Variants in USP49 observed in about 807,000 individuals in gnomAD.
The protein encoded by USP49 is ubiquitin specific peptidase 49.
Under a neutral mutation model 58.6 loss-of-function variants are expected in USP49, and 24 were observed. The observed-to-expected ratio is 0.41, with a 90% confidence interval of 0.30 to 0.58. The LOEUF is 0.58. USP49 is among the 20% of genes least tolerant of loss of function. USP49 has a pLI of 0.30. For missense variants in USP49, 703 were observed against 866.1 expected, an observed-to-expected ratio of 0.81 and a Z score of 2.36; for synonymous variants, 408 against 365.1, an observed-to-expected ratio of 1.12 and a Z score of -1.34.
Position 41,845,238 on chromosome 6 carries a change from C to T in USP49, c.-29+26326G>A, listed in dbSNP as rs566236174. Among the ~76,000 whole-genome samples, 3 of 152,000 alleles carry T rather than the reference C, an allele frequency of 2.0e-5. No homozygotes were observed. In the East Asian group the frequency reaches 5.9e-4, roughly 30 times the overall value. On this transcript the variant is annotated intron_variant, in intron 3 of 7. Transcript: ENST00000682992. ...TTTTACATGTTTCTCAAATAAATTC[C>T]TTTAAAAAATGTAAATAGGCCAGGT...
intron 3 of USP49, among the ~76,000 whole-genome samples, chr6:41,811,660 T>C (rs933384727): frequency 2.4e-4 from 36 of 152,202 alleles, no homozygotes; most frequent in African/African-American, 8.4e-4. Context: ...AAAAGTATTC[T>C]GTCAGAATTA....
intron 3 of USP49, among the ~76,000 whole-genome samples, chr6:41,846,172 C>A (rs1773918263): frequency 6.6e-6 from 1 of 152,020 alleles, no homozygotes; most frequent in Non-Finnish European, 1.5e-5. Flanking sequence ...AAAAATCATC[C>A]AGGCATGGTA....
chr6:41,887,303 C>G (rs1219027414), intron 2 of USP49: 1 of 152,216 alleles, frequency 6.6e-6, no homozygotes, highest in Non-Finnish European at 1.5e-5. Flanking sequence ...CCATCTTTCA[C>G]ACAATTTGCC....
intron 3 of USP49, among the ~76,000 whole-genome samples, chr6:41,852,295 A>G (rs570585437): frequency 6.6e-6 from 1 of 152,324 alleles, no homozygotes; most frequent in Admixed American, 6.5e-5. Flanking sequence ...CCTGCACTCC[A>G]GCCTGGGCAA....
chr6:41,881,781 CA>C (rs1774613098), intron 2 of USP49, among the ~76,000 whole-genome samples: 1 of 152,028 alleles, frequency 6.6e-6, no homozygotes, highest in Non-Finnish European at 1.5e-5. Flanking sequence ...CCTTCCTTTT[CA>C]AACTTTGAGA....
rs1287786986 is a variant in USP49, at chr6:41,795,386, T to G, written c.*1147A>C. ...GGGGCACTCTTGTTTTTTTCTCTGA[T>G]GGACTGAGTATGGGGGGTAAAGCAA... On this transcript the variant is annotated 3_prime_UTR_variant, in exon 8 of 8. Coordinates refer to ENST00000682992, the MANE Select transcript of USP49 (RefSeq NM_001286554.2). 1 of 152,164 alleles carries G rather than the reference T, an allele frequency of 6.6e-6. No homozygotes were observed. Among genetic ancestry groups the G allele is most frequent in the Non-Finnish European group, 1.5e-5 (1 of 68,060 alleles). The allele number at this position is 152,164 out of a possible 1,614,324, so 9.4% of individuals were successfully genotyped here.
At chr6:41,816,479 G>A (rs922793385) in intron 3 of USP49, among the ~76,000 whole-genome samples, 4 of 151,968 alleles carry the variant, frequency 2.6e-5, no homozygotes, top group Non-Finnish European at 5.9e-5. Context: ...TCTGTTTTCA[G>A]GTCTCCCTTC....
intron 3 of USP49, among the ~76,000 whole-genome samples, chr6:41,811,900 A>G (rs1179540711): frequency 6.6e-6 from 1 of 152,192 alleles, no homozygotes; most frequent in Non-Finnish European, 1.5e-5. Context: ...AGGGAAAAAT[A>G]TCAAGATGCA....
chr6:41,805,517 A>G, intron 4 of USP49, 111 bp downstream of exon 4: 1 of 1,216,308 alleles, frequency 8.2e-7, no homozygotes, highest in South Asian at 1.5e-5. Context: ...AAATTGCATA[A>G]TCACAGCAAA....
At chr6:41,828,431 A>G (rs1212342828) in intron 3 of USP49, among the ~76,000 whole-genome samples, 1 of 152,238 alleles carries the variant, frequency 6.6e-6, no homozygotes, top group Non-Finnish European at 1.5e-5. Flanking sequence ...CCTGGGAGAC[A>G]GAGCAAGACT....
chr6:41,883,895 G>A (rs1220293794), intron 2 of USP49, among the ~76,000 whole-genome samples: 1 of 152,120 alleles, frequency 6.6e-6, no homozygotes, highest in Non-Finnish European at 1.5e-5. Context: ...ATGGACATGT[G>A]CAAGACTGTT....
intron 7 of USP49, chr6:41,797,866 CTCT>C (rs979789438): frequency 6.3e-6 from 6 of 945,154 alleles, no homozygotes; most frequent in East Asian, 1.2e-4. Context: ...TAGGCAACTG[CTCT>C]TCTTATTTAT....
chr6:41,820,766 A>G (rs912084397), intron 3 of USP49, among the ~76,000 whole-genome samples: 1 of 152,140 alleles, frequency 6.6e-6, no homozygotes, highest in Admixed American at 6.5e-5. Flanking sequence ...TTGGGAAGCC[A>G]AGGCGGGCAG....
At chr6:41,832,041 A>G (rs1360475356) in intron 3 of USP49, among the ~76,000 whole-genome samples, 1 of 151,940 alleles carries the variant, frequency 6.6e-6, no homozygotes, top group Non-Finnish European at 1.5e-5. Context: ...AGAACACCTC[A>G]TTGTTCACAG....
chr6:41,869,080 CTTT>C (rs571000427), intron 3 of USP49, among the ~76,000 whole-genome samples: 1 of 137,886 alleles, frequency 7.3e-6, no homozygotes. Flanking sequence ...TGTTCTTAGT[CTTT>C]TTTTTTTTTT....
In USP49 at chr6:41,883,623, AAAATAAAT is replaced by A. The variant is rs113215092; in HGVS notation, c.-103+8163_-103+8170del. Among the ~76,000 whole-genome samples the A allele has an allele frequency of 8.0e-3, 1,205 of 150,638 alleles. 16 individuals carry two copies. The highest frequency in any genetic ancestry group is 0.027 in the African/African-American group (1,130 of 41,114). ...GAGCGACAGAGCGAGACTCCATCTCAAAATAAATAAATAAATAAATAAATAAAATAAAA... is the reference window on the plus strand; with the variant it reads ...GAGCGACAGAGCGAGACTCCATCTCAAAATAAATAAATAAATAAAATAAAA... On this transcript the variant is annotated intron_variant, in intron 2 of 7. Transcript: ENST00000682992.
intron 3 of USP49, among the ~76,000 whole-genome samples, chr6:41,865,942 A>C (rs1475003797): frequency 2.5e-5 from 1 of 40,102 alleles, no homozygotes; most frequent in East Asian, 1.1e-3. Context: ...TTTTTTTTTT[A>C]GACAGAGTCT....
chr6:41,822,016 A>G (rs1773461274), intron 3 of USP49, among the ~76,000 whole-genome samples: 2 of 152,236 alleles, frequency 1.3e-5, no homozygotes, highest in African/African-American at 4.8e-5. Context: ...TTTCAGTCAT[A>G]GAAACAATGT....
chr6:41,865,012 T>A (rs1774285326), intron 3 of USP49, among the ~76,000 whole-genome samples: 1 of 152,126 alleles, frequency 6.6e-6, no homozygotes, highest in Non-Finnish European at 1.5e-5. Flanking sequence ...AAATTTAACA[T>A]CCTTTGGTAT....
Sources: gnomAD v4.1 joint callset for allele counts (sites outside exome capture counted in the v4.1 genomes callset) on GRCh38, gnomAD v4.1.1 for gene constraint, MANE v1.5 for transcripts, NCBI Gene and HGNC (gene_info 2026-07-23, HGNC 2026-07-21) for gene names.